The following ARPC1A variants were observed in gnomAD, a reference collection of about 807,000 sequenced individuals.
ARPC1A encodes actin-related protein 2/3 complex subunit 1A.
A neutral mutation model predicts 46.9 loss-of-function variants in ARPC1A; 8 were observed. The observed-to-expected ratio is 0.17, with a 90% CI of 0.10 to 0.31. ARPC1A has a LOEUF of 0.31. Ranked by LOEUF, ARPC1A falls within the 10% of genes least tolerant of loss-of-function variation. The pLI is 1.00. For synonymous variants in ARPC1A, 152 were observed against 169.0 expected (o/e 0.90, Z 0.78); for missense variants, 286 against 483.6 (o/e 0.59, Z 3.83).
intron 9 of ARPC1A, among the ~76,000 whole-genome samples, chr7:99,363,972 T>C (rs1234642309): frequency 2.0e-5 from 3 of 152,168 alleles, no homozygotes; most frequent in African/African-American, 7.2e-5. Flanking sequence ...TCTTTCTTTT[T>C]GAGATGGAGT....
intron 8 of ARPC1A, 115 bp downstream of exon 8, chr7:99,359,853 A>G (rs1335821042): frequency 1.6e-6 from 2 of 1,212,730 alleles, no homozygotes; most frequent in Admixed American, 4.1e-5. Context: ...ACATTCTTTC[A>G]GGGACAAGTG....
intron 9 of ARPC1A, among the ~76,000 whole-genome samples, chr7:99,364,528 T>C (rs1255095552): frequency 6.6e-6 from 1 of 151,944 alleles, no homozygotes; most frequent in African/African-American, 2.4e-5. Flanking sequence ...CGCCTCAGCC[T>C]CCCCAAGTGC....
Position 99,363,578 on chromosome 7 carries a change from G to T in ARPC1A, c.1019G>T (p.Cys340Phe). The T allele has an allele frequency of 6.2e-7, 1 of 1,612,944 alleles. No individual in the cohort carries two copies. The highest frequency in any genetic ancestry group is 8.5e-7 in the Non-Finnish European group (1 of 1,179,732). The change falls in exon 9 of 10, where the codon TGT becomes TTT. Residue 340 changes from cysteine to phenylalanine, a missense_variant. Coordinates refer to ENST00000262942, the MANE Select transcript of ARPC1A (RefSeq NM_006409.4). ...ATTTATGAGGTGGACAAGCAAGATT[G>T]TCGCAAATTTTGCACTACTGGCATC... ...VSIYEVDKQD[C>F]RKFCTTGIDG...
intron 7 of ARPC1A, 111 bp from the exon 8 acceptor site, chr7:99,359,434 T>C: frequency 1.1e-6 from 1 of 870,204 alleles, no homozygotes; most frequent in Non-Finnish European, 1.6e-6. Flanking sequence ...AGACTCGGTC[T>C]CAAAAAAAAA....
intron 1 of ARPC1A, among the ~76,000 whole-genome samples, chr7:99,331,454 C>G (rs1793142669): frequency 6.6e-6 from 1 of 151,996 alleles, no homozygotes; most frequent in South Asian, 2.1e-4. Context: ...ATACTTCATC[C>G]CTGAACACTT....
intron 6 of ARPC1A, among the ~76,000 whole-genome samples, chr7:99,354,959 A>G (rs929211343): frequency 6.6e-6 from 1 of 152,046 alleles, no homozygotes; most frequent in Admixed American, 6.6e-5. Context: ...CTAAAAATAC[A>G]GAAAATTAGC....
At chr7:99,328,770 G>A (rs374658142) in intron 1 of ARPC1A, among the ~76,000 whole-genome samples, 28 of 151,982 alleles carry the variant, frequency 1.8e-4, no homozygotes, top group African/African-American at 6.8e-4. Context: ...GACAACATAG[G>A]GAGACCCCTG....
chr7:99,327,246 C>T (rs1352644151), intron 1 of ARPC1A, among the ~76,000 whole-genome samples: 1 of 151,758 alleles, frequency 6.6e-6, no homozygotes, highest in Non-Finnish European at 1.5e-5. Flanking sequence ...ATCCTCCCAC[C>T]TCAGCCTCCT....
intron 5 of ARPC1A, 81 bp from the exon 6 acceptor site, chr7:99,353,828 C>T: frequency 1.5e-6 from 2 of 1,367,772 alleles, no homozygotes; most frequent in South Asian, 1.3e-5. Context: ...TCTGAGATTC[C>T]TTGTGGCAGC....
At chr7:99,337,452 A>G (rs927546535) in intron 2 of ARPC1A, among the ~76,000 whole-genome samples, 1 of 152,174 alleles carries the variant, frequency 6.6e-6, no homozygotes, top group Non-Finnish European at 1.5e-5. Flanking sequence ...TCTGAAATCC[A>G]AAATGTTCCA....
At chr7:99,363,164 T>TGCCCTTGCCTTAA (rs1431380066) in intron 8 of ARPC1A, among the ~76,000 whole-genome samples, 1 of 152,198 alleles carries the variant, frequency 6.6e-6, no homozygotes, top group Non-Finnish European at 1.5e-5. Flanking sequence ...GTTCTTAACT[T>TGCCCTTGCCTTAA]CTCCCCTTGC....
chr7:99,329,149 A>C (rs1793102077), intron 1 of ARPC1A, among the ~76,000 whole-genome samples: 1 of 151,762 alleles, frequency 6.6e-6, no homozygotes, highest in Non-Finnish European at 1.5e-5. Context: ...AAATACAAAA[A>C]AATTGGCCGG....
intron 4 of ARPC1A, among the ~76,000 whole-genome samples, chr7:99,345,190 C>T (rs756133947): frequency 5.9e-5 from 9 of 151,830 alleles, no homozygotes; most frequent in Non-Finnish European, 1.2e-4. Context: ...CCTCGGCCTC[C>T]CAAAGTGCTG....
chr7:99,348,472 T>C (rs1793497607), intron 4 of ARPC1A, among the ~76,000 whole-genome samples: 1 of 152,168 alleles, frequency 6.6e-6, no homozygotes, highest in African/African-American at 2.4e-5. Flanking sequence ...TTTGGGAGGC[T>C]GAGGCCGGTA....
chr7:99,359,767 G>C, intron 8 of ARPC1A, 29 bp downstream of exon 8: 1 of 1,612,124 alleles, frequency 6.2e-7, no homozygotes, highest in Non-Finnish European at 8.5e-7. Context: ...GAGGTGGTCA[G>C]GTGACAAGGT....
At chr7:99,347,976 T>A (rs1003679580) in intron 4 of ARPC1A, among the ~76,000 whole-genome samples, 1 of 152,166 alleles carries the variant, frequency 6.6e-6, no homozygotes, top group African/African-American at 2.4e-5. Flanking sequence ...CAGAAATGAA[T>A]TAGTTAAGCC....
At position 99,344,530 on chromosome 7, in the gene ARPC1A, A is replaced by G. The variant is rs754322418; in HGVS notation, c.392+15A>G. On this transcript the variant is annotated intron_variant, in intron 4 of 9. Coordinates refer to ENST00000262942, the MANE Select transcript of ARPC1A (RefSeq NM_006409.4). ...GAAAATGACTGGTGAGTGACATCTG[A>G]ATTTTTTCTATCCCTCTCTATAGAA... 4.9e-5 allele frequency: 79 copies of G among 1,612,050 alleles called. No homozygotes were observed. The highest frequency in any genetic ancestry group is 6.6e-5 in the Non-Finnish European group (78 of 1,178,476).
chr7:99,341,150 A>G (rs1793351125), intron 3 of ARPC1A, among the ~76,000 whole-genome samples: 1 of 151,504 alleles, frequency 6.6e-6, no homozygotes, highest in South Asian at 2.1e-4. Context: ...CTCTACTAAA[A>G]ATACAAAAAT....
intron 8 of ARPC1A, among the ~76,000 whole-genome samples, chr7:99,362,149 G>A (rs1460081565): frequency 1.3e-5 from 2 of 151,404 alleles, no homozygotes; most frequent in African/African-American, 2.4e-5. Flanking sequence ...ACAAAAATTC[G>A]CCAGCCTGGT....
Sources: allele counts gnomAD v4.1 joint callset (sites outside exome capture counted in the v4.1 genomes callset), GRCh38; gene constraint gnomAD v4.1.1; transcripts MANE v1.5; gene names NCBI Gene and HGNC (gene_info 2026-07-23, HGNC 2026-07-21).